The following UTRN variants were observed in gnomAD, a reference collection of about 807,000 sequenced individuals.
UTRN encodes dystrophin-related protein 1.
In UTRN, 283 loss-of-function variants were observed where a neutral mutation model predicts 463.9. The ratio of observed to expected loss-of-function variants is 0.61; its 90% CI spans 0.55 to 0.67. UTRN has a LOEUF of 0.67. UTRN is among the 30% of genes least tolerant of loss of function. The pLI, the probability that UTRN is intolerant of heterozygous loss-of-function variation, is 0.00. For synonymous variants in UTRN, 1,442 were observed against 1,431.5 expected (o/e 1.01, Z -0.17); for missense variants, 3,922 against 4,084.3 (o/e 0.96, Z 1.08).
At chr6:144,767,584 A>G (rs1486884829) in intron 58 of UTRN, among the ~76,000 whole-genome samples, 2 of 152,118 alleles carry the variant, frequency 1.3e-5, no homozygotes, top group Non-Finnish European at 2.9e-5. Flanking sequence ...TGGAGACAAT[A>G]TTGTCACCCA....
chr6:144,836,052 GA>G (rs1372575174), intron 70 of UTRN, 114 bp downstream of exon 70: 31 of 1,482,140 alleles, frequency 2.1e-5, no homozygotes, highest in Non-Finnish European at 2.7e-5. Context: ...TCAGTGGAGT[GA>G]AAATTTTAGA....
chr6:144,402,822 C>T (rs1426170545), intron 2 of UTRN, among the ~76,000 whole-genome samples: 1 of 152,098 alleles, frequency 6.6e-6, no homozygotes, highest in African/African-American at 2.4e-5. Flanking sequence ...GAAAGTAGGG[C>T]TCTGATTTGA....
intron 60 of UTRN, among the ~76,000 whole-genome samples, chr6:144,781,539 A>G (rs895103168): frequency 3.3e-5 from 5 of 152,210 alleles, no homozygotes; most frequent in Admixed American, 1.3e-4. Flanking sequence ...AGTTAAGATG[A>G]GGAGAGCAGT....
intron 69 of UTRN, among the ~76,000 whole-genome samples, chr6:144,830,649 T>C (rs1336207441): frequency 6.6e-6 from 1 of 152,192 alleles, no homozygotes; most frequent in Non-Finnish European, 1.5e-5. Context: ...CAGCTTTGAA[T>C]GCAGCCCAAC....
At chr6:144,578,253 CA>C (rs1801635990) in intron 51 of UTRN, among the ~76,000 whole-genome samples, 1 of 152,184 alleles carries the variant, frequency 6.6e-6, no homozygotes, top group South Asian at 2.1e-4. Context: ...GTCTCCTTGT[CA>C]ACCATAGTAT....
chr6:144,819,898 TC>T (rs1238246441), intron 65 of UTRN, among the ~76,000 whole-genome samples: 2 of 117,056 alleles, frequency 1.7e-5, no homozygotes, highest in Non-Finnish European at 3.5e-5. Context: ...CTCCTCCTCC[TC>T]CTCCTCCTCC....
chr6:144,558,582 G>A (rs1799587585), intron 50 of UTRN, among the ~76,000 whole-genome samples: 1 of 152,054 alleles, frequency 6.6e-6, no homozygotes, highest in African/African-American at 2.4e-5. Flanking sequence ...GTATACATAT[G>A]TAACAAACCT....
chr6:144,551,135 T>G, intron 48 of UTRN, 53 bp downstream of exon 48: 1 of 938,338 alleles, frequency 1.1e-6, no homozygotes, highest in South Asian at 1.7e-5. Context: ...CTGCAAATGG[T>G]GACACACACA....
intron 2 of UTRN, among the ~76,000 whole-genome samples, chr6:144,293,171 T>C (rs938302980): frequency 6.6e-6 from 1 of 152,166 alleles, no homozygotes; most frequent in Non-Finnish European, 1.5e-5. Flanking sequence ...GAGTACGGAA[T>C]ACATATTCAG....
intron 53 of UTRN, among the ~76,000 whole-genome samples, chr6:144,700,642 A>C (rs1784494425): frequency 6.6e-6 from 1 of 151,964 alleles, no homozygotes. Context: ...ATCTCGGCTC[A>C]CTGCAGCCTC....
At chr6:144,469,777 A>G (rs1001292765) in intron 23 of UTRN, among the ~76,000 whole-genome samples, 1 of 149,806 alleles carries the variant, frequency 6.7e-6, no homozygotes, top group South Asian at 2.1e-4. Context: ...TCATAGGACA[A>G]TAGTGGAGGG....
chr6:144,644,476 TATC>T (rs1464715552), intron 51 of UTRN, among the ~76,000 whole-genome samples: 1 of 152,186 alleles, frequency 6.6e-6, no homozygotes, highest in African/African-American at 2.4e-5. Flanking sequence ...AAACTGTTAA[TATC>T]ATAATAATCT....
chr6:144,652,530 T>A (rs1478650930), intron 51 of UTRN, among the ~76,000 whole-genome samples: 2 of 152,218 alleles, frequency 1.3e-5, no homozygotes, highest in Non-Finnish European at 2.9e-5. Context: ...GATAAAGCGA[T>A]GCTTCAATTG....
intron 51 of UTRN, among the ~76,000 whole-genome samples, chr6:144,653,341 T>G (rs1238477278): frequency 6.6e-6 from 1 of 152,128 alleles, no homozygotes; most frequent in Non-Finnish European, 1.5e-5. Flanking sequence ...ATCCTAGCAC[T>G]TTGGGAGGCT....
chr6:144,696,673 A>G (rs1313827067), intron 52 of UTRN, among the ~76,000 whole-genome samples: 2 of 152,142 alleles, frequency 1.3e-5, no homozygotes, highest in Non-Finnish European at 2.9e-5. Flanking sequence ...CAAAATATAT[A>G]TATATACTTT....
intron 2 of UTRN, among the ~76,000 whole-genome samples, chr6:144,359,165 A>T (rs1778821449): frequency 6.6e-6 from 1 of 152,242 alleles, no homozygotes; most frequent in Non-Finnish European, 1.5e-5. Context: ...GGGGATAGAT[A>T]TAAGGCAGGT....
In UTRN at chr6:144,451,637, A is replaced by G. The variant is rs866616199; in HGVS notation, c.2196+144A>G. 7.8e-6 allele frequency: 8 copies of G among 1,026,800 alleles called. 1 individual carries two copies. In the Middle Eastern group the frequency reaches 1.3e-3, roughly 171 times the overall value. The allele number at this position is 1,026,800 out of a possible 1,614,324, so 63.6% of individuals were successfully genotyped here. Reference sequence around the variant, plus strand: ...AGGTAGCTTTTAGTACATTGTAGTGAATTTTGAATCCATTCATGCTAGCTG... The same window carrying G: ...AGGTAGCTTTTAGTACATTGTAGTGGATTTTGAATCCATTCATGCTAGCTG... On this transcript the variant is annotated intron_variant, in intron 18 of 74. Coordinates refer to ENST00000367545, the MANE Select transcript of UTRN (RefSeq NM_007124.3).
chr6:144,513,233 T>A (rs9496993), intron 35 of UTRN, among the ~76,000 whole-genome samples: 5,554 of 152,300 alleles, frequency 0.036, 269 homozygotes, highest in African/African-American at 0.11. Context: ...TTCATCATTT[T>A]AAAAAATTAT....
chr6:144,679,571 C>G (rs1239459248), intron 52 of UTRN, among the ~76,000 whole-genome samples: 1 of 152,100 alleles, frequency 6.6e-6, no homozygotes, highest in African/African-American at 2.4e-5. Context: ...TTTACAAAAT[C>G]AGAATAGAAA....
Sources: allele counts gnomAD v4.1 joint callset (sites outside exome capture counted in the v4.1 genomes callset), GRCh38; gene constraint gnomAD v4.1.1; transcripts MANE v1.5; gene names NCBI Gene and HGNC (gene_info 2026-07-23, HGNC 2026-07-21).